CSMD1: variants seen among roughly 807,000 people sequenced by gnomAD.
The protein encoded by CSMD1 is CUB and sushi domain-containing protein 1.
CSMD1 carries 213 observed loss-of-function variants against 417.5 expected under a neutral mutation model. That is an observed-to-expected ratio of 0.51 (90% CI 0.46 to 0.57). The LOEUF (loss-of-function observed/expected upper bound fraction) is 0.57, where lower values mean the gene tolerates loss of function less well. Ranked by LOEUF, CSMD1 falls within the 20% of genes least tolerant of loss-of-function variation. The pLI, the probability that CSMD1 is intolerant of heterozygous loss-of-function variation, is 0.00. For synonymous variants in CSMD1, 2,862 were observed against 1,736.8 expected (o/e 1.65, Z -16.11); for missense variants, 6,923 against 4,529.7 (o/e 1.53, Z -15.17).
intron 23 of CSMD1, among the ~76,000 whole-genome samples, chr8:3,331,046 C>T (rs904216587): frequency 5.9e-5 from 9 of 151,918 alleles, no homozygotes; most frequent in East Asian, 3.9e-4. Context: ...GTCAGGATAT[C>T]GAGACCACAG....
At chr8:3,445,923 A>G (rs1412771585) in intron 12 of CSMD1, among the ~76,000 whole-genome samples, 2 of 152,194 alleles carry the variant, frequency 1.3e-5, no homozygotes, top group Non-Finnish European at 2.9e-5. Context: ...TCCAAAGAAG[A>G]TTGTACAGAG....
chr8:3,698,630 C>A (rs993189896), intron 7 of CSMD1, among the ~76,000 whole-genome samples: 1 of 152,174 alleles, frequency 6.6e-6, no homozygotes, highest in Non-Finnish European at 1.5e-5. Context: ...TCCCTAAAAG[C>A]AAGACCTGAT....
chr8:3,195,735 G>A (rs1050059408), intron 33 of CSMD1, among the ~76,000 whole-genome samples: 1 of 152,114 alleles, frequency 6.6e-6, no homozygotes, highest in South Asian at 2.1e-4. Context: ...CGGGAGCTAA[G>A]AAACTGGTAT....
At chr8:3,211,490 G>A (rs974041063) in intron 30 of CSMD1, among the ~76,000 whole-genome samples, 2 of 152,180 alleles carry the variant, frequency 1.3e-5, no homozygotes, top group Admixed American at 1.3e-4. Context: ...AGATCAAAAG[G>A]GTTTGAGGTC....
chr8:3,349,848 AAT>A lies in CSMD1; in HGVS notation c.3305-1689_3305-1688del, dbSNP rs1478147304. ...AATATATATAATATATCTAGATATA[AAT>A]ATATATAATTATATAAATATATTTA... On this transcript the variant is annotated intron_variant, in intron 21 of 69. Coordinates refer to ENST00000635120, the MANE Select transcript of CSMD1 (RefSeq NM_033225.6). Among the ~76,000 whole-genome samples the A allele has an allele frequency of 5.7e-4, 79 of 139,804 alleles. 1 individual carries two copies. The highest frequency in any genetic ancestry group is 1.9e-3 in the African/African-American group (73 of 39,064). The allele number at this position is 139,804 out of a possible 152,430, so 91.7% of individuals were successfully genotyped here. A position where few individuals can be genotyped will look rare whatever the true frequency, so the allele number is the denominator to read the frequency against.
At chr8:3,557,470 T>A (rs575285155) in intron 10 of CSMD1, among the ~76,000 whole-genome samples, 1 of 152,170 alleles carries the variant, frequency 6.6e-6, no homozygotes, top group East Asian at 1.9e-4. Flanking sequence ...ATAGGCTTCC[T>A]TGAAAAGATA....
chr8:3,396,602 G>C (rs1233742131), intron 16 of CSMD1, among the ~76,000 whole-genome samples: 3 of 151,998 alleles, frequency 2.0e-5, no homozygotes, highest in African/African-American at 2.4e-5. Flanking sequence ...CTAATATTCT[G>C]TCTTACAATA....
intron 5 of CSMD1, among the ~76,000 whole-genome samples, chr8:3,976,058 T>C (rs559152537): frequency 2.5e-4 from 38 of 152,222 alleles, no homozygotes; most frequent in Admixed American, 4.6e-4. Context: ...AATCTGTATT[T>C]GATATGTTAA....
chr8:4,185,868 C>G (rs1001587691), intron 3 of CSMD1, among the ~76,000 whole-genome samples: 2 of 152,110 alleles, frequency 1.3e-5, no homozygotes, highest in Admixed American at 6.6e-5. Context: ...TTCTTGTAGG[C>G]CTGAGTACTA....
intron 5 of CSMD1, among the ~76,000 whole-genome samples, chr8:3,932,794 C>A (rs984636692): frequency 6.0e-5 from 9 of 150,202 alleles, no homozygotes; most frequent in African/African-American, 1.7e-4. Context: ...GTTTTCATTT[C>A]AATTGGAGAT....
intron 5 of CSMD1, among the ~76,000 whole-genome samples, chr8:3,899,838 G>A (rs752171348): frequency 6.6e-6 from 1 of 152,176 alleles, no homozygotes; most frequent in African/African-American, 2.4e-5. Flanking sequence ...CACAGGTACT[G>A]TGTCCTGAAA....
intron 5 of CSMD1, among the ~76,000 whole-genome samples, chr8:3,920,353 GTGTGTT>G (rs1036650882): frequency 9.2e-5 from 14 of 151,782 alleles, no homozygotes; most frequent in South Asian, 6.2e-4. Flanking sequence ...TAAGATGCGT[GTGTGTT>G]TGTGTGTGTG....
chr8:4,770,714 G>T (rs972250119), intron 1 of CSMD1, among the ~76,000 whole-genome samples: 1 of 125,962 alleles, frequency 7.9e-6, no homozygotes, highest in African/African-American at 2.8e-5. Context: ...AATGGGGAAA[G>T]AATAATCTTG....
chr8:4,303,004 C>G (rs960068355), intron 3 of CSMD1, among the ~76,000 whole-genome samples: 1 of 151,814 alleles, frequency 6.6e-6, no homozygotes, highest in Non-Finnish European at 1.5e-5. Flanking sequence ...GACACAAAAT[C>G]CAAGAAAATC....
At chr8:3,212,552 T>C (rs533643273) in intron 30 of CSMD1, among the ~76,000 whole-genome samples, 2 of 152,138 alleles carry the variant, frequency 1.3e-5, no homozygotes, top group Non-Finnish European at 2.9e-5. Flanking sequence ...TGGGGTTTTG[T>C]CATGTTGCTC....
At chr8:4,058,793 A>G (rs1049045338) in intron 3 of CSMD1, among the ~76,000 whole-genome samples, 3 of 149,986 alleles carry the variant, frequency 2.0e-5, no homozygotes, top group African/African-American at 7.4e-5. Context: ...TTCATAAAGC[A>G]AGTCCTGAGT....
intron 2 of CSMD1, among the ~76,000 whole-genome samples, chr8:4,453,447 G>A (rs1799272562): frequency 6.6e-6 from 1 of 152,174 alleles, no homozygotes; most frequent in Admixed American, 6.5e-5. Context: ...GTGTGTTGGT[G>A]CAGCAGCAAG....
intron 3 of CSMD1, among the ~76,000 whole-genome samples, chr8:4,053,984 G>A (rs1798565572): frequency 6.6e-6 from 1 of 152,168 alleles, no homozygotes; most frequent in African/African-American, 2.4e-5. Flanking sequence ...ATATAAGGAA[G>A]TTAAGAACCT....
intron 49 of CSMD1, among the ~76,000 whole-genome samples, chr8:3,064,386 C>G (rs1008857642): frequency 6.6e-6 from 1 of 152,160 alleles, no homozygotes; most frequent in Non-Finnish European, 1.5e-5. Flanking sequence ...CTCTCTCCCT[C>G]CTGCTGCCAT....
Sources: gnomAD v4.1 joint callset for allele counts (sites outside exome capture counted in the v4.1 genomes callset) on GRCh38, gnomAD v4.1.1 for gene constraint, MANE v1.5 for transcripts, NCBI Gene and HGNC (gene_info 2026-07-23, HGNC 2026-07-21) for gene names.